Variants in SDK1 observed in about 807,000 individuals in gnomAD.
SDK1 encodes sidekick cell adhesion molecule 1, also known as protein sidekick-1.
In SDK1, 157 loss-of-function variants were observed where a neutral mutation model predicts 245.5. That is an observed-to-expected ratio of 0.64 (90% CI 0.56 to 0.73). The LOEUF is 0.73. SDK1 is among the 30% of genes least tolerant of loss of function. The probability of loss-of-function intolerance (pLI) is 0.00; values close to 1 mark genes in which losing one functional copy is unlikely to be tolerated. For missense variants in SDK1, 3,583 were observed against 3,002.3 expected, an observed-to-expected ratio of 1.19 and a Z score of -4.52; for synonymous variants, 1,647 against 1,278.5, an observed-to-expected ratio of 1.29 and a Z score of -6.15.
chr7:3,407,966 G>A (rs1465199236), intron 1 of SDK1, among the ~76,000 whole-genome samples: 1 of 152,148 alleles, frequency 6.6e-6, no homozygotes, highest in Non-Finnish European at 1.5e-5. Context: ...GGGCTGGGAA[G>A]CAGAGAGAGA....
chr7:3,596,491 C>G (rs1781071853), intron 1 of SDK1, among the ~76,000 whole-genome samples: 1 of 152,156 alleles, frequency 6.6e-6, no homozygotes, highest in Admixed American at 6.5e-5. Flanking sequence ...AAAAGAATTT[C>G]ATAGATGTTA....
At chr7:3,643,522 C>G (rs796342633) in intron 4 of SDK1, 2 of 149,318 alleles carry the variant, frequency 1.3e-5, no homozygotes, top group African/African-American at 5.0e-5. Flanking sequence ...CTTCCGTAAA[C>G]CTCGTGATTC....
At chr7:3,519,924 A>G (rs1199742687) in intron 1 of SDK1, among the ~76,000 whole-genome samples, 1 of 152,202 alleles carries the variant, frequency 6.6e-6, no homozygotes, top group Non-Finnish European at 1.5e-5. Context: ...CATGCAAGAG[A>G]ATATTAATAG....
At chr7:4,039,994 T>A (rs1056419252) in intron 17 of SDK1, among the ~76,000 whole-genome samples, 2 of 152,206 alleles carry the variant, frequency 1.3e-5, no homozygotes, top group African/African-American at 2.4e-5. Flanking sequence ...CTGAGCATGT[T>A]ACTGAACCAA....
chr7:4,242,354 C>T lies in SDK1; in HGVS notation c.6251+441C>T, dbSNP rs188336719. ...TGTGTATTCCAAAGTTTTCCTGTGC[C>T]GATACACATTGCCATTCCATACACG... On this transcript the variant is annotated intron_variant, in intron 43 of 44. Transcript: ENST00000404826. Among the ~76,000 whole-genome samples, 520 of 152,196 alleles carry T rather than the reference C, an allele frequency of 3.4e-3. 4 individuals are homozygous for T. The highest frequency in any genetic ancestry group is 0.012 in the African/African-American group (498 of 41,518).
intron 4 of SDK1, among the ~76,000 whole-genome samples, chr7:3,649,821 A>T (rs1782953065): frequency 6.6e-6 from 1 of 152,032 alleles, no homozygotes; most frequent in Non-Finnish European, 1.5e-5. Context: ...TGTCTGCAAG[A>T]TGGGAAGGAG....
chr7:3,491,190 T>G (rs1456323660), intron 1 of SDK1, among the ~76,000 whole-genome samples: 1 of 152,240 alleles, frequency 6.6e-6, no homozygotes, highest in Non-Finnish European at 1.5e-5. Context: ...TTTAGGGATC[T>G]ACAGTTAGGT....
intron 1 of SDK1, among the ~76,000 whole-genome samples, chr7:3,351,641 G>C (rs1780662832): frequency 6.6e-6 from 1 of 152,092 alleles, no homozygotes. Flanking sequence ...ATAACATGTT[G>C]ATATCAGACA....
chr7:4,012,549 CTTTTTTTTTTTTTTTTTTTTTTTTT>C lies in SDK1; in HGVS notation c.2420+333_2420+357del, dbSNP rs777199429. Among the ~76,000 whole-genome samples the C allele has an allele frequency of 2.8e-3, 72 of 25,992 alleles. 1 individual carries two copies. The highest frequency in any genetic ancestry group is 0.042 in the Middle Eastern group (1 of 24). The allele number at this position is 25,992 out of a possible 152,430, so 17.1% of individuals were successfully genotyped here. On this transcript the variant is annotated intron_variant, in intron 16 of 44. Coordinates refer to ENST00000404826, the MANE Select transcript of SDK1 (RefSeq NM_152744.4). ...GCAAGGTATATTGTTCAATGTGAAG[CTTTTTTTTTTTTTTTTTTTTTTTTT>C]TTTTTTTTTTTTTTTTTTGATGGAG...
At chr7:3,749,561 A>G (rs899604297) in intron 4 of SDK1, among the ~76,000 whole-genome samples, 3 of 152,092 alleles carry the variant, frequency 2.0e-5, no homozygotes, top group Admixed American at 6.5e-5. Context: ...GGCCTCCCAA[A>G]GTGCTGGGAT....
Position 4,220,265 on chromosome 7 carries a change from C to G in SDK1, c.5696C>G (p.Ala1899Gly), listed in dbSNP as rs1785068399. 1 of 1,612,960 alleles carries G rather than the reference C, an allele frequency of 6.2e-7. No individual in the cohort carries two copies. The highest frequency in any genetic ancestry group is 1.3e-5 in the African/African-American group (1 of 74,868). The change falls in exon 39 of 45, where the codon GCC (alanine) becomes GGC (glycine). Residue 1899 changes from alanine to glycine, a missense_variant. Transcript: ENST00000404826. The part of the protein sequence containing the change: ...ELQANITAGP[A>G]EGSPGSPRDV... ...CAAGCCAATATCACAGCCGGGCCAG[C>G]CGAGGGTAAGTGGAACTCCAGGGGC...
chr7:3,421,058 A>G (rs977868937), intron 1 of SDK1, among the ~76,000 whole-genome samples: 1 of 130,794 alleles, frequency 7.6e-6, no homozygotes, highest in Non-Finnish European at 1.7e-5. Context: ...GCTTTTATCA[A>G]TTTTTTTTTT....
intron 4 of SDK1, among the ~76,000 whole-genome samples, chr7:3,705,745 AT>A (rs768513606): frequency 3.4e-5 from 5 of 149,056 alleles, no homozygotes; most frequent in South Asian, 2.1e-4. Context: ...GTGCCCTTTA[AT>A]TTTTTTTTTA....
chr7:3,646,917 A>G (rs1431689013), intron 4 of SDK1, among the ~76,000 whole-genome samples: 1 of 152,256 alleles, frequency 6.6e-6, no homozygotes, highest in African/African-American at 2.4e-5. Context: ...TCATAGAGAC[A>G]GAAAGCAGAA....
At chr7:4,005,846 C>G (rs1422272200) in intron 14 of SDK1, among the ~76,000 whole-genome samples, 1 of 152,148 alleles carries the variant, frequency 6.6e-6, no homozygotes, top group African/African-American at 2.4e-5. Context: ...GCCTGAGCCA[C>G]GTGGCGAAAT....
chr7:4,213,368 C>T (rs1367402959), intron 38 of SDK1, among the ~76,000 whole-genome samples: 9 of 150,936 alleles, frequency 6.0e-5, no homozygotes, highest in African/African-American at 1.5e-4. Flanking sequence ...GCCGAGATCG[C>T]GCCACTGCAC....
chr7:3,363,648 C>G (rs551035176), intron 1 of SDK1, among the ~76,000 whole-genome samples: 1 of 152,302 alleles, frequency 6.6e-6, no homozygotes, highest in South Asian at 2.1e-4. Flanking sequence ...CTCACGTCAT[C>G]AGGCATTAGG....
chr7:3,482,098 A>G (rs1442906279), intron 1 of SDK1, among the ~76,000 whole-genome samples: 2 of 152,244 alleles, frequency 1.3e-5, no homozygotes, highest in Non-Finnish European at 2.9e-5. Context: ...ATATCCTACC[A>G]GACATTGTAA....
intron 35 of SDK1, among the ~76,000 whole-genome samples, chr7:4,187,442 C>T (rs554792243): frequency 6.6e-6 from 1 of 152,236 alleles, no homozygotes; most frequent in African/African-American, 2.4e-5. Context: ...CTTTGAAATA[C>T]TTCAGCTAAT....
Sources: gnomAD v4.1 joint callset for allele counts (sites outside exome capture counted in the v4.1 genomes callset) on GRCh38, gnomAD v4.1.1 for gene constraint, MANE v1.5 for transcripts, NCBI Gene and HGNC (gene_info 2026-07-23, HGNC 2026-07-21) for gene names.